Variants in PRORP observed in about 807,000 individuals in gnomAD.
PRORP encodes protein only RNase P catalytic subunit.
A neutral mutation model predicts 59.4 loss-of-function variants in PRORP; 51 were observed. The ratio of observed to expected loss-of-function variants is 0.86; its 90% CI spans 0.69 to 1.08. The LOEUF (loss-of-function observed/expected upper bound fraction) is 1.08. PRORP is among the 50% of genes least tolerant of loss of function. The pLI is 0.00. For synonymous variants in PRORP, 231 were observed against 245.6 expected, an observed-to-expected ratio of 0.94 and a Z score of 0.55; for missense variants, 646 against 690.3, an observed-to-expected ratio of 0.94 and a Z score of 0.72.
intron 4 of PRORP, among the ~76,000 whole-genome samples, chr14:35,134,822 T>C (rs2047333062): frequency 6.6e-6 from 1 of 152,176 alleles, no homozygotes; most frequent in African/African-American, 2.4e-5. Flanking sequence ...ACCAGTCCAC[T>C]GGCTCTGAGC....
intron 5 of PRORP, among the ~76,000 whole-genome samples, chr14:35,243,061 T>C (rs1449473806): frequency 6.6e-6 from 1 of 152,228 alleles, no homozygotes; most frequent in Non-Finnish European, 1.5e-5. Flanking sequence ...AATTTATGTC[T>C]TGTTTATCCT....
chr14:35,210,153 A>G (rs766715267), intron 5 of PRORP, among the ~76,000 whole-genome samples: 10 of 152,366 alleles, frequency 6.6e-5, no homozygotes, highest in Non-Finnish European at 1.2e-4. Context: ...ACAAATGGAA[A>G]AAAAAGAACT....
At chr14:35,140,178 ACT>A (rs1173091648) in intron 4 of PRORP, among the ~76,000 whole-genome samples, 2 of 142,376 alleles carry the variant, frequency 1.4e-5, no homozygotes, top group East Asian at 2.4e-4. Context: ...CTCTTGGGTA[ACT>A]CTCTTAGGAC....
intron 4 of PRORP, among the ~76,000 whole-genome samples, chr14:35,177,532 G>A (rs1031114707): frequency 3.9e-5 from 6 of 152,174 alleles, no homozygotes; most frequent in Non-Finnish European, 8.8e-5. Flanking sequence ...TATTTGCGTA[G>A]AGGTGTTTAT....
intron 4 of PRORP, among the ~76,000 whole-genome samples, chr14:35,160,446 A>G (rs1481284923): frequency 6.6e-6 from 1 of 152,150 alleles, no homozygotes; most frequent in Admixed American, 6.5e-5. Context: ...AGGAATTTAA[A>G]TTTTTCCTTT....
chr14:35,177,108 G>C (rs2048472334), intron 4 of PRORP, among the ~76,000 whole-genome samples: 1 of 152,144 alleles, frequency 6.6e-6, no homozygotes, highest in African/African-American at 2.4e-5. Context: ...GATCGTGGTG[G>C]ATAAGCTTTT....
chr14:35,191,346 A>T lies in PRORP; in HGVS notation c.1275+10569A>T, dbSNP rs182159281. Among the ~76,000 whole-genome samples the T allele has an allele frequency of 6.6e-5, 10 of 152,320 alleles. No individual in the cohort carries two copies. In the East Asian group the frequency reaches 1.9e-3, roughly 29 times the overall value. On this transcript the variant is annotated intron_variant, in intron 5 of 7. Transcript: ENST00000534898. ...CCATGATTGTGAGGCCTCCCAAGCC[A>T]CGTGGAACTGTGAGTCCATTAAACC...
At chr14:35,248,211 G>A (rs1460550526) in intron 5 of PRORP, among the ~76,000 whole-genome samples, 1 of 152,206 alleles carries the variant, frequency 6.6e-6, no homozygotes, top group Non-Finnish European at 1.5e-5. Flanking sequence ...ACATTATAAT[G>A]AAGTAATAAT....
intron 4 of PRORP, among the ~76,000 whole-genome samples, chr14:35,176,271 T>C (rs1173012766): frequency 2.0e-5 from 3 of 152,208 alleles, no homozygotes; most frequent in African/African-American, 4.8e-5. Context: ...TTTCCAATTC[T>C]GTGAAGAAAG....
chr14:35,264,116 TATTCATTCATTC>T (rs761138977), intron 5 of PRORP, among the ~76,000 whole-genome samples: 2 of 151,882 alleles, frequency 1.3e-5, no homozygotes, highest in Non-Finnish European at 2.9e-5. Flanking sequence ...TTATTTTATT[TATTCATTCATTC>T]ATTCATTCAT....
intron 5 of PRORP, among the ~76,000 whole-genome samples, chr14:35,262,256 C>T (rs2050925854): frequency 6.6e-6 from 1 of 152,090 alleles, no homozygotes; most frequent in Non-Finnish European, 1.5e-5. Context: ...AAGCAGTCCT[C>T]CTGCCTCAGC....
intron 4 of PRORP, among the ~76,000 whole-genome samples, chr14:35,170,195 A>T (rs1422841940): frequency 6.6e-6 from 1 of 152,112 alleles, no homozygotes. Context: ...TGTATTAAAG[A>T]TAAGTACATC....
At chr14:35,192,266 C>G (rs150725051) in intron 5 of PRORP, among the ~76,000 whole-genome samples, 6 of 152,248 alleles carry the variant, frequency 3.9e-5, no homozygotes, top group Admixed American at 3.3e-4. Context: ...AATATTCTTC[C>G]ATCTTCAAAT....
chr14:35,174,938 T>G (rs2139012130), intron 4 of PRORP, among the ~76,000 whole-genome samples: 1 of 128,020 alleles, frequency 7.8e-6, no homozygotes, highest in South Asian at 2.6e-4. Context: ...TTCCCCTTCC[T>G]ATGTCCAAGT....
intron 4 of PRORP, among the ~76,000 whole-genome samples, chr14:35,161,830 AC>A (rs1255216494): frequency 2.0e-5 from 3 of 152,092 alleles, no homozygotes; most frequent in Admixed American, 1.3e-4. Flanking sequence ...ATAACTTTAA[AC>A]TTGTAAGTAA....
chr14:35,177,664 A>G (rs2048488111), intron 4 of PRORP, among the ~76,000 whole-genome samples: 1 of 151,880 alleles, frequency 6.6e-6, no homozygotes, highest in Non-Finnish European at 1.5e-5. Context: ...CTAGCAGTCT[A>G]TCAATTTTGT....
At chr14:35,260,098 AT>A (rs2050867042) in intron 5 of PRORP, among the ~76,000 whole-genome samples, 1 of 136,902 alleles carries the variant, frequency 7.3e-6, no homozygotes, top group Non-Finnish European at 1.5e-5. Flanking sequence ...TGCAGCATTG[AT>A]CTACTGGGCC....
chr14:35,225,833 G>A (rs1165603451), intron 5 of PRORP, among the ~76,000 whole-genome samples: 1 of 152,022 alleles, frequency 6.6e-6, no homozygotes, highest in Non-Finnish European at 1.5e-5. Flanking sequence ...GATTGCTTGA[G>A]CTTAGGAGTT....
intron 4 of PRORP, among the ~76,000 whole-genome samples, chr14:35,137,600 G>C (rs981889292): frequency 6.9e-6 from 1 of 145,362 alleles, no homozygotes; most frequent in Non-Finnish European, 1.5e-5. Context: ...GATTATGGCA[G>C]AGGGTGGGTG....
Sources: allele counts gnomAD v4.1 joint callset (sites outside exome capture counted in the v4.1 genomes callset), GRCh38; gene constraint gnomAD v4.1.1; transcripts MANE v1.5; gene names NCBI Gene and HGNC (gene_info 2026-07-23, HGNC 2026-07-21).